The following ARHGEF10L variants were observed in gnomAD, a reference collection of about 807,000 sequenced individuals.
The protein encoded by ARHGEF10L is rho guanine nucleotide exchange factor 10-like protein.
Under a neutral mutation model 141.2 loss-of-function variants are expected in ARHGEF10L, and 69 were observed. The ratio of observed to expected loss-of-function variants is 0.49; its 90% CI spans 0.40 to 0.60. The LOEUF (loss-of-function observed/expected upper bound fraction) is 0.60. ARHGEF10L is among the 20% of genes least tolerant of loss of function. The pLI is 0.00. For missense variants in ARHGEF10L, 1,482 were observed against 1,734.3 expected, an observed-to-expected ratio of 0.85 and a Z score of 2.58; for synonymous variants, 711 against 718.5, an observed-to-expected ratio of 0.99 and a Z score of 0.17.
chr1:17,640,081 C>T lies in ARHGEF10L; in HGVS notation c.2172-121C>T, dbSNP rs890209555. The T allele has an allele frequency of 4.7e-6, 7 of 1,492,308 alleles. No individual in the cohort carries two copies. In the Admixed American group the frequency reaches 1.1e-4, roughly 23 times the overall value. 92.4% of individuals were successfully genotyped at this position (1,492,308 alleles called of 1,614,324 possible). A position where few individuals can be genotyped will look rare whatever the true frequency, so the allele number is the denominator to read the frequency against. On this transcript the variant is annotated intron_variant, in intron 20 of 28. Coordinates refer to ENST00000361221, the MANE Select transcript of ARHGEF10L (RefSeq NM_018125.4). ...CCTCTTTGGCCACGTTTTGGGGATG[C>T]TCTGACCAGACCTCCTTGATCTCCA...
chr1:17,515,291 CTTTTTTTT>C, the ARHGEF10L span, among the ~76,000 whole-genome samples: 6 of 132,000 alleles, frequency 4.5e-5, no homozygotes, highest in Admixed American at 1.6e-4. Context: ...CTTTTTCTCT[CTTTTTTTT>C]TTTTTTTTGT....
chr1:17,533,930 A>G, the ARHGEF10L span, among the ~76,000 whole-genome samples: 2 of 152,128 alleles, frequency 1.3e-5, no homozygotes, highest in African/African-American at 4.8e-5. Context: ...AGACTCGGGA[A>G]GTCCACATTC....
chr1:17,617,080 G>A (rs1186149997), intron 9 of ARHGEF10L, among the ~76,000 whole-genome samples: 1 of 152,188 alleles, frequency 6.6e-6, no homozygotes, highest in Non-Finnish European at 1.5e-5. Flanking sequence ...GCCTGGAAGG[G>A]ATAGAGGAGG....
chr1:17,565,522 T>C (rs2077715605), intron 1 of ARHGEF10L, among the ~76,000 whole-genome samples: 2 of 152,336 alleles, frequency 1.3e-5, no homozygotes, highest in East Asian at 3.9e-4. Context: ...GGCTCAAGTC[T>C]GCTCTCAGGA....
chr1:17,572,585 T>A (rs1052028564), intron 1 of ARHGEF10L, among the ~76,000 whole-genome samples: 1 of 152,144 alleles, frequency 6.6e-6, no homozygotes, highest in African/African-American at 2.4e-5. Context: ...ACACGCCTGA[T>A]CCCCTAGCCC....
At chr1:17,555,248 T>C (rs2077262583) in intron 1 of ARHGEF10L, among the ~76,000 whole-genome samples, 1 of 151,644 alleles carries the variant, frequency 6.6e-6, no homozygotes, top group African/African-American at 2.4e-5. Flanking sequence ...CTTTGAGTAT[T>C]GAATGCTTTT....
chr1:17,542,269 G>A (rs920265978), intron 1 of ARHGEF10L, among the ~76,000 whole-genome samples: 1 of 152,006 alleles, frequency 6.6e-6, no homozygotes, highest in African/African-American at 2.4e-5. Flanking sequence ...GGCAACACAA[G>A]AGAACATGTC....
intron 23 of ARHGEF10L, among the ~76,000 whole-genome samples, chr1:17,655,470 TCCATCCATCTATCC>T (rs780801200): frequency 0.12 from 17,721 of 149,310 alleles, 1,290 homozygotes; most frequent in Non-Finnish European, 0.16. Context: ...CATCCATCCA[TCCATCCATCTATCC>T]ATCCATCCAT....
chr1:17,674,273 C>T (rs1382937244), intron 26 of ARHGEF10L, among the ~76,000 whole-genome samples: 2 of 152,198 alleles, frequency 1.3e-5, no homozygotes, highest in African/African-American at 4.8e-5. Context: ...ATGGTGTTTA[C>T]ATGACTAGTG....
intron 8 of ARHGEF10L, among the ~76,000 whole-genome samples, chr1:17,614,006 C>T (rs2059676411): frequency 1.3e-5 from 2 of 152,228 alleles, no homozygotes; most frequent in Admixed American, 6.5e-5. Context: ...CTGTTGTTAT[C>T]TACATGCCTG....
Position 17,623,827 on chromosome 1 carries a change from T to C in ARHGEF10L, c.1201-560T>C, listed in dbSNP as rs966818027. On this transcript the variant is annotated intron_variant, in intron 12 of 28. Transcript: ENST00000361221. This position sits in a 1 kb window ranked among gnomAD's most constrained non-coding sequence, Gnocchi z 4.7. ...CTAGGTTTTGCTAAAAGAAAAAAACTTTTTTTTGAAAGCCACAGCGCTCGA... is the reference window on the plus strand; with the variant it reads ...CTAGGTTTTGCTAAAAGAAAAAAACCTTTTTTTGAAAGCCACAGCGCTCGA... Among the ~76,000 whole-genome samples, 8 of 148,392 alleles carry C rather than the reference T, an allele frequency of 5.4e-5. No homozygotes were observed. The highest frequency in any genetic ancestry group is 3.0e-5 in the Non-Finnish European group (2 of 65,640).
At chr1:17,670,967 G>A (rs888453078) in intron 26 of ARHGEF10L, among the ~76,000 whole-genome samples, 3 of 152,246 alleles carry the variant, frequency 2.0e-5, no homozygotes, top group Admixed American at 2.0e-4. Flanking sequence ...TGCTCCAGCC[G>A]AGTCATCCCT....
the ARHGEF10L span, among the ~76,000 whole-genome samples, chr1:17,527,828 C>G: frequency 6.7e-6 from 1 of 149,842 alleles, no homozygotes; most frequent in Non-Finnish European, 1.5e-5. Context: ...GGTTATTGCC[C>G]TCTAGTGCTT....
chr1:17,571,327 C>T (rs569338720), intron 1 of ARHGEF10L, among the ~76,000 whole-genome samples: 4 of 152,090 alleles, frequency 2.6e-5, no homozygotes, highest in East Asian at 1.9e-4. Context: ...TAGTGGAGGC[C>T]GCAGGTGACC....
At chr1:17,667,279 T>C (rs1474086198) in intron 26 of ARHGEF10L, among the ~76,000 whole-genome samples, 2 of 152,178 alleles carry the variant, frequency 1.3e-5, no homozygotes, top group East Asian at 3.9e-4. Context: ...TTCAGTCTGA[T>C]GTGGAAGACA....
chr1:17,652,656 G>T (rs1458164097), intron 22 of ARHGEF10L, among the ~76,000 whole-genome samples: 1 of 152,120 alleles, frequency 6.6e-6, no homozygotes, highest in Non-Finnish European at 1.5e-5. Context: ...TGGACCCCTG[G>T]CTCCATCCAA....
intron 1 of ARHGEF10L, among the ~76,000 whole-genome samples, chr1:17,559,116 G>A (rs1038006578): frequency 2.0e-5 from 3 of 152,218 alleles, no homozygotes; most frequent in Non-Finnish European, 2.9e-5. Context: ...TGCCTGATGT[G>A]GGAGTCTTAC....
chr1:17,633,859 G>A (rs373328250), intron 16 of ARHGEF10L, among the ~76,000 whole-genome samples: 1 of 152,130 alleles, frequency 6.6e-6, no homozygotes, highest in African/African-American at 2.4e-5. Context: ...CATGGTTACC[G>A]ATCACGAGTC....
intron 26 of ARHGEF10L, among the ~76,000 whole-genome samples, chr1:17,685,527 C>T (rs866299591): frequency 4.8e-4 from 73 of 152,368 alleles, no homozygotes; most frequent in African/African-American, 1.6e-3. Flanking sequence ...CCTTCCCTGA[C>T]CCCAGTCTTA....
Sources: allele counts gnomAD v4.1 joint callset (sites outside exome capture counted in the v4.1 genomes callset), GRCh38; gene constraint gnomAD v4.1.1; non-coding constraint Gnocchi (gnomAD v3.1); transcripts MANE v1.5; gene names NCBI Gene and HGNC (gene_info 2026-07-23, HGNC 2026-07-21).